Variants in THADA observed in about 807,000 individuals in gnomAD.
THADA encodes the protein tRNA (32-2'-O)-methyltransferase regulator THADA.
A neutral mutation model predicts 219.8 loss-of-function variants in THADA; 213 were observed. That is an observed-to-expected ratio of 0.97 (90% confidence interval 0.87 to 1.09). The LOEUF (loss-of-function observed/expected upper bound fraction) is 1.09, where lower values mean the gene tolerates loss of function less well. Ranked by LOEUF, THADA falls within the 50% of genes least tolerant of loss-of-function variation. THADA has a pLI of 0.00. For synonymous variants in THADA, 1,018 were observed against 828.9 expected (o/e 1.23, Z -3.92); for missense variants, 2,956 against 2,311.3 (o/e 1.28, Z -5.72).
intron 31 of THADA, among the ~76,000 whole-genome samples, chr2:43,294,723 G>A (rs993747717): frequency 9.2e-5 from 14 of 152,168 alleles, no homozygotes; most frequent in African/African-American, 2.6e-4. Flanking sequence ...CTACTGCACC[G>A]TAGTCCAGGA....
intron 29 of THADA, among the ~76,000 whole-genome samples, chr2:43,354,293 AT>A (rs1279353086): frequency 6.6e-6 from 1 of 152,010 alleles, no homozygotes; most frequent in Non-Finnish European, 1.5e-5. Flanking sequence ...AGCTGTATAT[AT>A]TTATAGGGTA....
rs1030767586 is a variant in THADA, at chr2:43,586,527, ACT to A, written c.485-80_485-79del. 2.1e-5 allele frequency: 29 copies of A among 1,380,736 alleles called. No individual in the cohort carries two copies. In the African/African-American group the frequency reaches 4.1e-4, roughly 20 times the overall value. The allele number at this position is 1,380,736 out of a possible 1,614,324, so 85.5% of individuals were successfully genotyped here. On this transcript the variant is annotated intron_variant, in intron 6 of 37. Coordinates refer to ENST00000405975, the MANE Select transcript of THADA (RefSeq NM_022065.5). ...TCAATAAAATAAAATATTTTATATCACTGTTATCCAAAATGATATCATGATAT... is the reference window on the plus strand; with the variant it reads ...TCAATAAAATAAAATATTTTATATCAGTTATCCAAAATGATATCATGATAT...
intron 28 of THADA, among the ~76,000 whole-genome samples, chr2:43,422,235 A>T (rs916889488): frequency 1.3e-5 from 2 of 152,184 alleles, no homozygotes; most frequent in Non-Finnish European, 2.9e-5. Context: ...TCTATCTTCC[A>T]TTTTCCCATT....
intron 17 of THADA, among the ~76,000 whole-genome samples, chr2:43,555,895 C>G (rs1238041714): frequency 6.6e-6 from 1 of 152,058 alleles, no homozygotes; most frequent in Non-Finnish European, 1.5e-5. Context: ...ATCACTAGAT[C>G]TGAATAATCT....
chr2:43,591,993 GCA>G lies in THADA; in HGVS notation c.128_129del (p.Val43AlafsTer13). ...ATTTGTGACACTCCATCCGTGAGTTGCACACAATGTAACAGCAAAGAAGCTAG... is the reference window on the plus strand; with the variant it reads ...ATTTGTGACACTCCATCCGTGAGTTGCACAATGTAACAGCAAAGAAGCTAG... ...KNLASLLLHC[V>X]QLTDGVSQIH... On this transcript the variant is annotated frameshift_variant, in exon 3 of 38. Coordinates refer to ENST00000405975, the MANE Select transcript of THADA (RefSeq NM_022065.5). LOFTEE classifies it high-confidence loss of function. The G allele has an allele frequency of 6.4e-7, 1 of 1,562,722 alleles. No homozygotes were observed. Among genetic ancestry groups the G allele is most frequent in the Non-Finnish European group, 8.7e-7 (1 of 1,152,112 alleles).
chr2:43,265,126 A>G (rs1572835212), intron 36 of THADA, among the ~76,000 whole-genome samples: 1 of 152,148 alleles, frequency 6.6e-6, no homozygotes, highest in Non-Finnish European at 1.5e-5. Context: ...TTTGGCCAGA[A>G]GCTTGCCTGT....
intron 3 of THADA, among the ~76,000 whole-genome samples, chr2:43,591,332 T>C (rs1344825685): frequency 6.6e-6 from 1 of 152,074 alleles, no homozygotes. Context: ...CTCAAAAAAA[T>C]AAATAAAACA....
intron 26 of THADA, among the ~76,000 whole-genome samples, chr2:43,431,683 G>T (rs1315874423): frequency 4.0e-4 from 2 of 5,034 alleles, no homozygotes; most frequent in Admixed American, 4.8e-3. Flanking sequence ...TTTTTTTTTT[G>T]AGACGGAGTC....
intron 20 of THADA, among the ~76,000 whole-genome samples, chr2:43,542,212 T>TA (rs1460863309): frequency 2.0e-5 from 3 of 152,102 alleles, no homozygotes; most frequent in African/African-American, 7.2e-5. Context: ...TGTTTTTATT[T>TA]AAAAAGCCCA....
At chr2:43,365,454 C>G (rs1196824363) in intron 29 of THADA, among the ~76,000 whole-genome samples, 1 of 151,720 alleles carries the variant, frequency 6.6e-6, no homozygotes, top group Non-Finnish European at 1.5e-5. Flanking sequence ...GCCTGTAGTC[C>G]CAGCTACTAG....
At chr2:43,587,055 T>G (rs910933907) in intron 4 of THADA, 53 bp from the exon 5 acceptor site, 6 of 1,539,836 alleles carry the variant, frequency 3.9e-6, no homozygotes, top group Non-Finnish European at 4.4e-6. Context: ...CCCCAGAATA[T>G]GTGGAGAGGG....
intron 26 of THADA, among the ~76,000 whole-genome samples, chr2:43,446,745 ACT>A (rs768488334): frequency 5.3e-4 from 81 of 152,330 alleles, no homozygotes; most frequent in Admixed American, 3.5e-3. Flanking sequence ...AATGAGTTAG[ACT>A]CTGTGGAAAA....
intron 21 of THADA, among the ~76,000 whole-genome samples, chr2:43,534,308 T>C (rs910497491): frequency 5.9e-5 from 9 of 152,196 alleles, no homozygotes; most frequent in East Asian, 1.9e-4. Flanking sequence ...CAAACACTTA[T>C]CATTTCTTTG....
intron 30 of THADA, among the ~76,000 whole-genome samples, chr2:43,329,159 A>G (rs1185292548): frequency 6.6e-6 from 1 of 152,204 alleles, no homozygotes; most frequent in East Asian, 1.9e-4. Context: ...ATGCTGCCAG[A>G]GTAATTGCTG....
intron 31 of THADA, among the ~76,000 whole-genome samples, chr2:43,311,714 A>G (rs1260744410): frequency 2.6e-5 from 4 of 152,246 alleles, no homozygotes; most frequent in Non-Finnish European, 4.4e-5. Context: ...ACATGGATGA[A>G]CCTTCAAAAC....
chr2:43,526,172 A>T (rs543419531), intron 22 of THADA, among the ~76,000 whole-genome samples: 2 of 152,354 alleles, frequency 1.3e-5, no homozygotes, highest in South Asian at 2.1e-4. Flanking sequence ...TAGGGAGGTT[A>T]ATTTTTGTAC....
At chr2:43,550,277 T>G (rs1456127861) in intron 19 of THADA, among the ~76,000 whole-genome samples, 2 of 152,198 alleles carry the variant, frequency 1.3e-5, no homozygotes, top group Non-Finnish European at 2.9e-5. Flanking sequence ...TGTACATCTA[T>G]TATTTTGACT....
At chr2:43,391,582 C>T (rs530933358) in intron 29 of THADA, among the ~76,000 whole-genome samples, 8 of 152,092 alleles carry the variant, frequency 5.3e-5, no homozygotes, top group Non-Finnish European at 1.0e-4. Flanking sequence ...TAAGATTTAA[C>T]AAGGTTTAGT....
intron 31 of THADA, among the ~76,000 whole-genome samples, chr2:43,304,349 G>C (rs1676600512): frequency 6.6e-6 from 1 of 152,178 alleles, no homozygotes; most frequent in Non-Finnish European, 1.5e-5. Flanking sequence ...CATGAAGGCA[G>C]AAGGATCCTC....
Sources: allele counts gnomAD v4.1 joint callset (sites outside exome capture counted in the v4.1 genomes callset), GRCh38; gene constraint gnomAD v4.1.1; transcripts MANE v1.5; gene names NCBI Gene and HGNC (gene_info 2026-07-23, HGNC 2026-07-21).